Variants in PLCE1 observed in about 807,000 individuals in gnomAD.
PLCE1 encodes phospholipase C epsilon 1.
In PLCE1, 119 loss-of-function variants were observed where a neutral mutation model predicts 242.8. The ratio of observed to expected loss-of-function variants is 0.49; its 90% confidence interval spans 0.42 to 0.57. The LOEUF (loss-of-function observed/expected upper bound fraction) is 0.57. PLCE1 is among the 20% of genes least tolerant of loss of function. PLCE1 has a pLI of 0.00. For missense variants in PLCE1, 2,441 were observed against 2,788.8 expected, an observed-to-expected ratio of 0.88 and a Z score of 2.81; for synonymous variants, 945 against 1,017.4, an observed-to-expected ratio of 0.93 and a Z score of 1.35.
In PLCE1 at chr10:94,236,051, A is replaced by G. The variant is rs1371978421; in HGVS notation, c.2351A>G (p.Asp784Gly). 1 of 1,614,118 alleles carries G rather than the reference A, an allele frequency of 6.2e-7. No individual in the cohort carries two copies. Among genetic ancestry groups the G allele is most frequent in the Admixed American group, 1.7e-5 (1 of 60,024 alleles). The change falls in exon 7 of 33, where the codon GAC becomes GGC. Residue 784 changes from aspartate to glycine, a missense_variant. Around this residue, in one of 5 missense-constraint regions of PLCE1, gnomAD observed 733 missense variants for 754.2 expected, o/e 0.97. Transcript: ENST00000371380. Reference protein sequence around the residue: ...IRSCNRSLETDEEDSPSEGNS... With the variant: ...IRSCNRSLETGEEDSPSEGNS... ...AGCTGCAATCGAAGTCTGGAGACAG[A>G]CGAGGAGGACAGCCCCAGTGAAGGA...
intron 2 of PLCE1, among the ~76,000 whole-genome samples, chr10:94,074,770 C>A (rs1047657711): frequency 5.3e-5 from 8 of 152,166 alleles, no homozygotes; most frequent in Non-Finnish European, 1.2e-4. Flanking sequence ...TAAAAGGTGT[C>A]ATTGGTCTAG....
chr10:94,254,785 G>A, intron 10 of PLCE1, 108 bp from the exon 11 acceptor site: 1 of 1,220,182 alleles, frequency 8.2e-7, no homozygotes, highest in Non-Finnish European at 1.2e-6. Context: ...GAAACCAGCT[G>A]CATAGGTTGA....
intron 22 of PLCE1, among the ~76,000 whole-genome samples, chr10:94,288,197 A>T (rs2052527248): frequency 6.6e-6 from 1 of 152,084 alleles, no homozygotes; most frequent in Non-Finnish European, 1.5e-5. Flanking sequence ...TGTAAGTCAT[A>T]CCCACCAGGT....
chr10:94,092,311 A>G (rs1006820050), intron 2 of PLCE1, among the ~76,000 whole-genome samples: 1 of 152,182 alleles, frequency 6.6e-6, no homozygotes, highest in African/African-American at 2.4e-5. Context: ...TCTTTGTCCA[A>G]TAAAGTAAGA....
At position 94,270,621 on chromosome 10, in the gene PLCE1, G is replaced by A. The variant is rs763887060; in HGVS notation, c.4506+19G>A. 1 of 1,401,400 alleles carries A rather than the reference G, an allele frequency of 7.1e-7. No individual in the cohort carries two copies. The highest frequency in any genetic ancestry group is 1.7e-5 in the Admixed American group (1 of 59,732). 86.8% of individuals were successfully genotyped at this position (1,401,400 alleles called of 1,614,324 possible). On this transcript the variant is annotated intron_variant, in intron 18 of 32. Coordinates refer to ENST00000371380, the MANE Select transcript of PLCE1 (RefSeq NM_016341.4). ...TTTCAAGGTGAGCTCTCAACAAAAA[G>A]GCAGGATGGTATGTTGGCCCTTGTT...
chr10:94,250,013 G>T (rs1164563620), intron 8 of PLCE1, among the ~76,000 whole-genome samples: 1 of 151,852 alleles, frequency 6.6e-6, no homozygotes, highest in African/African-American at 2.4e-5. Context: ...GCAAAGATAT[G>T]CCAAGAGGTA....
chr10:94,051,286 CAAAAAAAAAAA>C lies in PLCE1; in HGVS notation c.1206+19050_1206+19060del, dbSNP rs869233995. On this transcript the variant is annotated intron_variant, in intron 2 of 32. Transcript: ENST00000371380. ...TGGGTGATAGAGCGAGACTCCAACT[CAAAAAAAAAAA>C]AAAAAAAAAAAAAAAGACTTTCAGA... Among the ~76,000 whole-genome samples the C allele has an allele frequency of 2.1e-3, 61 of 29,370 alleles. 1 individual carries two copies. In the East Asian group the frequency reaches 0.049, roughly 23 times the overall value. 19.3% of individuals were successfully genotyped at this position (29,370 alleles called of 152,430 possible).
At chr10:94,316,830 C>G in intron 29 of PLCE1, 74 bp downstream of exon 29, 2 of 1,105,464 alleles carry the variant, frequency 1.8e-6, no homozygotes, top group Non-Finnish European at 1.4e-6. Flanking sequence ...CACAACCTCC[C>G]TGAAATTCAG....
Position 94,301,354 on chromosome 10 carries a change from A to T in PLCE1, c.5458+2685A>T, listed in dbSNP as rs533592098. Among the ~76,000 whole-genome samples, 24 of 152,000 alleles carry T rather than the reference A, an allele frequency of 1.6e-4. 1 individual carries two copies. The highest frequency in any genetic ancestry group is 1.6e-3 in the Admixed American group (24 of 15,276). The stretch of plus-strand genomic sequence containing the variant: ...GTGAGATACTATCTCAAAAAAAAAA[A>T]GAAAAAGAAAATTATATATATAGAT... On this transcript the variant is annotated intron_variant, in intron 24 of 32. Coordinates refer to ENST00000371380, the MANE Select transcript of PLCE1 (RefSeq NM_016341.4).
At chr10:94,283,599 T>C (rs910730285) in intron 20 of PLCE1, 191 bp from the exon 21 acceptor site, 7 of 503,888 alleles carry the variant, frequency 1.4e-5, no homozygotes, top group Non-Finnish European at 2.6e-5. Context: ...ATCAATTAAA[T>C]TGAAAATAAC....
intron 2 of PLCE1, among the ~76,000 whole-genome samples, chr10:94,085,838 G>C (rs1462458350): frequency 6.6e-6 from 1 of 152,132 alleles, no homozygotes; most frequent in Non-Finnish European, 1.5e-5. Context: ...AGACAGACTG[G>C]GTAAGTATAG....
chr10:94,025,935 A>C (rs534082179), intron 1 of PLCE1, among the ~76,000 whole-genome samples: 1 of 152,352 alleles, frequency 6.6e-6, no homozygotes, highest in Non-Finnish European at 1.5e-5. Flanking sequence ...TTTGTAGACC[A>C]TATGGTATTT....
chr10:94,114,537 C>T (rs540012468), intron 2 of PLCE1, among the ~76,000 whole-genome samples: 1 of 152,336 alleles, frequency 6.6e-6, no homozygotes, highest in Admixed American at 6.5e-5. Context: ...TTTCCAAGAT[C>T]TGCTCTGTTC....
rs121912602 is a variant in PLCE1, at chr10:94,254,256, C to G, written c.3346C>G (p.Arg1116Gly). The change falls in exon 10 of 33, where the codon CGA becomes GGA. Residue 1116 changes from arginine (R) to glycine (G), a missense_variant. By Grantham distance (125) the Arg-to-Gly change is moderately radical. Around this residue, in one of 5 missense-constraint regions of PLCE1, gnomAD observed 1,004 missense variants for 1,322.7 expected, o/e 0.76. Transcript: ENST00000371380. ...AAAGGCCAAGATGCACAAAGAGTGT[C>G]GAAGCCGGAGTGGTTCTGATCCTCA... The part of the protein sequence containing the change: ...TRKAKMHKEC[R>G]SRSGSDPQDI... The G allele has an allele frequency of 1.9e-6, 3 of 1,613,898 alleles. No homozygotes were observed. The highest frequency in any genetic ancestry group is 4.5e-5 in the East Asian group (2 of 44,848).
rs919020287 is a variant in PLCE1 at position 94,079,660 on chromosome 10, T to C, written c.1206+47408T>C. Reference sequence around the variant, plus strand: ...AAAACATATTATCTTCTATTCTTTATAGCAGAGCCAGTTCAAGAACCCTCA... The same window carrying C: ...AAAACATATTATCTTCTATTCTTTACAGCAGAGCCAGTTCAAGAACCCTCA... On this transcript the variant is annotated intron_variant, in intron 2 of 32. Transcript: ENST00000371380. Among the ~76,000 whole-genome samples the C allele has an allele frequency of 4.6e-5, 7 of 152,222 alleles. No individual in the cohort carries two copies. The highest frequency in any genetic ancestry group is 1.0e-4 in the Non-Finnish European group (7 of 68,038).
At chr10:94,167,643 G>A (rs1251819567) in intron 3 of PLCE1, among the ~76,000 whole-genome samples, 5 of 151,030 alleles carry the variant, frequency 3.3e-5, no homozygotes, top group African/African-American at 7.3e-5. Flanking sequence ...AGCATTAGGT[G>A]TATCTCCTAA....
At position 94,081,775 on chromosome 10, in the gene PLCE1, A is replaced by T. The variant is rs140424263; in HGVS notation, c.1206+49523A>T. On this transcript the variant is annotated intron_variant, in intron 2 of 32. Transcript: ENST00000371380. ...ACCTTTCCAGAATCATACAGCTAGG[A>T]GGTAATTAACAGAGTCTGGGGTCAA... Among the ~76,000 whole-genome samples, 531 of 152,336 alleles carry T rather than the reference A, an allele frequency of 3.5e-3. 3 individuals carry two copies. The highest frequency in any genetic ancestry group is 6.1e-3 in the Non-Finnish European group (413 of 68,024).
At chr10:94,304,332 A>G (rs1420418740) in intron 24 of PLCE1, 150 bp from the exon 25 acceptor site, 17 of 758,032 alleles carry the variant, frequency 2.2e-5, no homozygotes, top group African/African-American at 1.9e-4. Context: ...TCATTTATCA[A>G]TCTGTGGGAC....
intron 2 of PLCE1, among the ~76,000 whole-genome samples, chr10:94,079,938 C>T (rs1007257616): frequency 1.3e-5 from 2 of 152,162 alleles, no homozygotes; most frequent in East Asian, 1.9e-4. Flanking sequence ...CTCAATCTAC[C>T]GATTTGTTTT....
Sources: gnomAD v4.1 joint callset for allele counts (sites outside exome capture counted in the v4.1 genomes callset) on GRCh38, gnomAD v4.1.1 for gene constraint, gnomAD v4.1.1 regional missense constraint, MANE v1.5 for transcripts, NCBI Gene and HGNC (gene_info 2026-07-23, HGNC 2026-07-21) for gene names.